Variants in MGAT5 observed in about 807,000 individuals in gnomAD.
The protein encoded by MGAT5 is alpha-1,6-mannosylglycoprotein 6-beta-N-acetylglucosaminyltransferase.
In MGAT5, 30 loss-of-function variants were observed where a neutral mutation model predicts 94.3. That is an observed-to-expected ratio of 0.32 (90% confidence interval 0.24 to 0.43). The LOEUF (loss-of-function observed/expected upper bound fraction) is 0.43. Ranked by LOEUF, MGAT5 falls within the 20% of genes least tolerant of loss-of-function variation. MGAT5 has a pLI of 1.00. For synonymous variants in MGAT5, 310 were observed against 322.9 expected, an observed-to-expected ratio of 0.96 and a Z score of 0.43; for missense variants, 691 against 905.5, an observed-to-expected ratio of 0.76 and a Z score of 3.04.
intron 15 of MGAT5, among the ~76,000 whole-genome samples, chr2:134,444,584 A>G (rs1358709484): frequency 6.6e-6 from 1 of 152,228 alleles, no homozygotes; most frequent in African/African-American, 2.4e-5. Context: ...TGGCCCATCC[A>G]TATTCATAGC....
chr2:134,258,151 C>A (rs1042640678), intron 1 of MGAT5, among the ~76,000 whole-genome samples: 1 of 96,968 alleles, frequency 1.0e-5, no homozygotes, highest in African/African-American at 4.2e-5. Flanking sequence ...ACCTATGCGC[C>A]AAATTCAGGA....
rs1265237277 is a variant in MGAT5, at chr2:134,434,677, T to TA, written c.1869+6239dup. On this transcript the variant is annotated intron_variant, in intron 14 of 15. Transcript: ENST00000281923. ...GTTAGAGGTAAGCTGCTAACTTCCA[T>TA]ACAGCCTACAAAACCCAGATGGCCT... Among the ~76,000 whole-genome samples, 14 of 152,028 alleles carry TA rather than the reference T, an allele frequency of 9.2e-5. No homozygotes were observed. In the South Asian group the frequency reaches 2.7e-3, roughly 29 times the overall value.
At chr2:134,426,809 C>T (rs62170207) in intron 13 of MGAT5, among the ~76,000 whole-genome samples, 15,926 of 152,178 alleles carry the variant, frequency 0.1, 898 homozygotes, top group Middle Eastern at 0.15. Flanking sequence ...AAGGAACAAA[C>T]TGAGAACATG....
chr2:134,402,998 T>A lies in MGAT5; in HGVS notation c.1391T>A (p.Ile464Asn). 1.9e-6 allele frequency: 3 copies of A among 1,590,016 alleles called. No individual in the cohort carries two copies. Among genetic ancestry groups the A allele is most frequent in the Non-Finnish European group, 2.6e-6 (3 of 1,172,622 alleles). Residue 464 changes from isoleucine (I) to asparagine (N), a missense_variant, in exon 11 of 16, where the codon ATC becomes AAC. Around this residue, in one of 4 missense-constraint regions of MGAT5, gnomAD observed 260 missense variants for 347.0 expected, o/e 0.75. Transcript: ENST00000281923. ...KVDSFWKNKKIYLDIIHTYME... is the reference protein window; with the variant it reads ...KVDSFWKNKKNYLDIIHTYME... ...TGTTTTCTTCTTTAGAATAAGAAGA[T>A]CTACTTGGACATTATTCACACATAC...
intron 1 of MGAT5, among the ~76,000 whole-genome samples, chr2:134,224,186 C>T (rs921477114): frequency 6.6e-6 from 1 of 152,092 alleles, no homozygotes; most frequent in Non-Finnish European, 1.5e-5. Flanking sequence ...GGGTTTTATT[C>T]ATCTGTCATC....
intron 8 of MGAT5, among the ~76,000 whole-genome samples, chr2:134,345,914 C>T (rs1196896254): frequency 6.6e-6 from 1 of 152,028 alleles, no homozygotes; most frequent in Admixed American, 6.6e-5. Flanking sequence ...GCAGTCAATA[C>T]TGGGTTTTAT....
intron 1 of MGAT5, among the ~76,000 whole-genome samples, chr2:134,260,455 G>T (rs574076674): frequency 4.6e-5 from 7 of 152,166 alleles, no homozygotes; most frequent in Non-Finnish European, 1.0e-4. Context: ...AGATTGCTCT[G>T]AAAGGTTAGC....
At chr2:134,442,496 C>T (rs1685539120) in intron 15 of MGAT5, among the ~76,000 whole-genome samples, 1 of 152,192 alleles carries the variant, frequency 6.6e-6, no homozygotes, top group African/African-American at 2.4e-5. Context: ...ACACATGGTG[C>T]ATCTCAGGCC....
chr2:134,176,234 T>C (rs1008807505), intron 1 of MGAT5, among the ~76,000 whole-genome samples: 1 of 151,858 alleles, frequency 6.6e-6, no homozygotes, highest in Non-Finnish European at 1.5e-5. Flanking sequence ...GCCTTGGGAA[T>C]TGGCTGAAGA....
chr2:134,266,024 T>G (rs1039208379), intron 1 of MGAT5, among the ~76,000 whole-genome samples: 1 of 151,794 alleles, frequency 6.6e-6, no homozygotes, highest in African/African-American at 2.4e-5. Flanking sequence ...AAAAATTAGC[T>G]GGGTGTGGTG....
intron 1 of MGAT5, among the ~76,000 whole-genome samples, chr2:134,260,080 C>CAGCATACG (rs58725829): frequency 3.3e-5 from 5 of 151,808 alleles, no homozygotes; most frequent in Non-Finnish European, 7.4e-5. Flanking sequence ...GTCCTAAGGC[C>CAGCATACG]TACTCCAGGG....
chr2:134,150,360 C>G (rs1007299236), intron 1 of MGAT5, among the ~76,000 whole-genome samples: 1 of 152,194 alleles, frequency 6.6e-6, no homozygotes, highest in South Asian at 2.1e-4. Flanking sequence ...GAGAAGTTCT[C>G]CATGTAAATT....
chr2:134,419,389 C>A (rs552883321), intron 12 of MGAT5, among the ~76,000 whole-genome samples: 2 of 149,220 alleles, frequency 1.3e-5, no homozygotes, highest in Admixed American at 6.7e-5. Context: ...AGTAGGTTCT[C>A]GATCATTTTT....
chr2:134,250,009 G>A (rs1241100738), upstream of MGAT5, among the ~76,000 whole-genome samples: 2 of 152,194 alleles, frequency 1.3e-5, no homozygotes, highest in Admixed American at 6.5e-5. Flanking sequence ...GACTAATGAT[G>A]TTGAGCATCT....
intron 1 of MGAT5, among the ~76,000 whole-genome samples, chr2:134,158,896 C>T (rs1687602310): frequency 6.6e-6 from 1 of 152,190 alleles, no homozygotes; most frequent in Admixed American, 6.5e-5. Context: ...CCACTAGGCA[C>T]ATGTGGCTAT....
intron 2 of MGAT5, among the ~76,000 whole-genome samples, chr2:134,293,683 T>C (rs1391892565): frequency 1.3e-5 from 2 of 152,198 alleles, no homozygotes; most frequent in Non-Finnish European, 2.9e-5. Flanking sequence ...TTGCCCAGGC[T>C]GGTCTCAAAC....
At chr2:134,410,327 G>A (rs1398364932) in intron 11 of MGAT5, among the ~76,000 whole-genome samples, 1 of 152,186 alleles carries the variant, frequency 6.6e-6, no homozygotes, top group African/African-American at 2.4e-5. Context: ...TAATATCACA[G>A]GTAATAAGCA....
At chr2:134,138,896 T>C (rs927619689) in intron 1 of MGAT5, among the ~76,000 whole-genome samples, 1 of 152,136 alleles carries the variant, frequency 6.6e-6, no homozygotes, top group African/African-American at 2.4e-5. Flanking sequence ...GGATATATGG[T>C]CCCCCTACTG....
At chr2:134,407,496 A>G (rs1027040365) in intron 11 of MGAT5, among the ~76,000 whole-genome samples, 2 of 152,262 alleles carry the variant, frequency 1.3e-5, no homozygotes, top group East Asian at 1.9e-4. Context: ...CCTACACTCA[A>G]ATAAATACAA....
Sources: gnomAD v4.1 joint callset for allele counts (sites outside exome capture counted in the v4.1 genomes callset) on GRCh38, gnomAD v4.1.1 for gene constraint, gnomAD v4.1.1 regional missense constraint, MANE v1.5 for transcripts, NCBI Gene and HGNC (gene_info 2026-07-23, HGNC 2026-07-21) for gene names.